SIPA1L1: variants seen among roughly 807,000 people sequenced by gnomAD.
SIPA1L1 encodes signal-induced proliferation-associated 1-like protein 1.
Under a neutral mutation model 162.7 loss-of-function variants are expected in SIPA1L1, and 26 were observed. That is an observed-to-expected ratio of 0.16 (90% CI 0.12 to 0.22). The LOEUF is 0.22. Ranked by LOEUF, SIPA1L1 falls within the 10% of genes least tolerant of loss-of-function variation. SIPA1L1 has a pLI of 1.00. For synonymous variants in SIPA1L1, 829 were observed against 837.4 expected, an observed-to-expected ratio of 0.99 and a Z score of 0.17; for missense variants, 1,874 against 2,241.0, an observed-to-expected ratio of 0.84 and a Z score of 3.31.
At chr14:71,363,576 C>T (rs892770726) in intron 2 of SIPA1L1, among the ~76,000 whole-genome samples, 2 of 152,082 alleles carry the variant, frequency 1.3e-5, no homozygotes, top group Non-Finnish European at 2.9e-5. Flanking sequence ...GTTTTTGAGC[C>T]TCTTTAGGAT....
At chr14:71,627,127 A>G (rs1352072312) in intron 7 of SIPA1L1, among the ~76,000 whole-genome samples, 1 of 94,216 alleles carries the variant, frequency 1.1e-5, no homozygotes, top group Admixed American at 1.2e-4. Flanking sequence ...TGGGACTTTC[A>G]CTACTTTTTT....
intron 2 of SIPA1L1, among the ~76,000 whole-genome samples, chr14:71,455,694 G>T (rs2046137787): frequency 6.6e-6 from 1 of 152,264 alleles, no homozygotes; most frequent in Admixed American, 6.5e-5. Context: ...GTCAGTGGAT[G>T]TTCTCATGTT....
chr14:71,611,099 C>G (rs931414306), intron 5 of SIPA1L1, among the ~76,000 whole-genome samples: 1 of 152,132 alleles, frequency 6.6e-6, no homozygotes, highest in Non-Finnish European at 1.5e-5. Context: ...GAACCTCCAC[C>G]CTTAAAATTA....
Position 71,730,478 on chromosome 14 carries a change from C to CA in SIPA1L1, c.4861+178dup, listed in dbSNP as rs1215646635. Among the ~76,000 whole-genome samples, 5 of 152,300 alleles carry CA rather than the reference C, an allele frequency of 3.3e-5. No homozygotes were observed. The South Asian group carries it at 1.0e-3, about 32-fold the overall frequency. On this transcript the variant is annotated intron_variant, in intron 20 of 23. Coordinates refer to ENST00000381232, the MANE Select transcript of SIPA1L1 (RefSeq NM_001386936.1). Reference sequence around the variant, plus strand: ...TCCTGTAATCCCAGACCACCATAGTCACCTGGGTTGCTTGCTAGAAATAAC... The same window carrying CA: ...TCCTGTAATCCCAGACCACCATAGTCAACCTGGGTTGCTTGCTAGAAATAAC...
chr14:71,392,804 G>A (rs1169422587), intron 2 of SIPA1L1, among the ~76,000 whole-genome samples: 4 of 152,160 alleles, frequency 2.6e-5, no homozygotes, highest in Admixed American at 2.0e-4. Flanking sequence ...AAGTGCAGGC[G>A]TGAGCCACCG....
chr14:71,531,342 A>G (rs1021239439), intron 4 of SIPA1L1, among the ~76,000 whole-genome samples: 3 of 139,832 alleles, frequency 2.1e-5, no homozygotes, highest in African/African-American at 8.0e-5. Context: ...TCACTATGTT[A>G]CTTTGTACTG....
chr14:71,553,764 T>C (rs2056090526), intron 4 of SIPA1L1, among the ~76,000 whole-genome samples: 2 of 151,634 alleles, frequency 1.3e-5, no homozygotes, highest in African/African-American at 4.8e-5. Context: ...TATACAATTC[T>C]TTTTTTTTCA....
chr14:71,335,864 C>T (rs1043678699), intron 2 of SIPA1L1, among the ~76,000 whole-genome samples: 1 of 152,290 alleles, frequency 6.6e-6, no homozygotes. Flanking sequence ...ACCATAGGTA[C>T]CCAGTATATT....
intron 2 of SIPA1L1, among the ~76,000 whole-genome samples, chr14:71,477,999 TG>T (rs1171026336): frequency 1.3e-5 from 2 of 152,094 alleles, no homozygotes; most frequent in Non-Finnish European, 2.9e-5. Flanking sequence ...TTCAGATGCA[TG>T]GCATCCTTGA....
rs893861018 is a variant in SIPA1L1 at position 71,724,679 on chromosome 14, G to A, written c.4458G>A (p.Gln1486=). ...TCCCTTTTTTGTCCAGGCGTCATCA[G>A]AGCGATGGCAATGAAATAGCCCACA... ...VGFMDTRKRH[Q]SDGNEIAHTR... The change falls in exon 19 of 24, where the codon CAG becomes CAA. Residue 1486 remains glutamine, a synonymous_variant. Transcript: ENST00000381232. The A allele has an allele frequency of 6.2e-7, 1 of 1,613,090 alleles. No individual in the cohort carries two copies. The highest frequency in any genetic ancestry group is 1.3e-5 in the African/African-American group (1 of 74,796).
At chr14:71,353,124 T>C (rs1297379771) in intron 2 of SIPA1L1, among the ~76,000 whole-genome samples, 2 of 152,244 alleles carry the variant, frequency 1.3e-5, no homozygotes, top group African/African-American at 4.8e-5. Flanking sequence ...AAATACCACA[T>C]TCATTATTGA....
chr14:71,501,908 T>C (rs2050247117), intron 2 of SIPA1L1, among the ~76,000 whole-genome samples: 1 of 151,632 alleles, frequency 6.6e-6, no homozygotes, highest in South Asian at 2.1e-4. Context: ...TAGCTGAGCA[T>C]GTTGGCATGT....
intron 17 of SIPA1L1, among the ~76,000 whole-genome samples, chr14:71,715,402 A>G (rs571627050): frequency 6.6e-6 from 1 of 152,322 alleles, no homozygotes; most frequent in East Asian, 1.9e-4. Context: ...ATGGCTTACT[A>G]TTGCATCTTT....
chr14:71,484,389 T>C (rs2048588610), intron 2 of SIPA1L1, among the ~76,000 whole-genome samples: 1 of 152,030 alleles, frequency 6.6e-6, no homozygotes, highest in African/African-American at 2.4e-5. Context: ...TAAAACCCTT[T>C]AAGTAATTAG....
chr14:71,324,514 C>G (rs2033560034), intron 2 of SIPA1L1, among the ~76,000 whole-genome samples: 1 of 152,138 alleles, frequency 6.6e-6, no homozygotes, highest in African/African-American at 2.4e-5. Flanking sequence ...AACGAACGAT[C>G]TGTGGTGAGG....
chr14:71,644,462 C>G (rs1318238065), intron 7 of SIPA1L1, among the ~76,000 whole-genome samples: 3 of 151,984 alleles, frequency 2.0e-5, no homozygotes, highest in African/African-American at 7.3e-5. Flanking sequence ...GTCTTGAACT[C>G]CTGGCCTCAA....
chr14:71,585,942 AAC>A (rs2034542474), intron 4 of SIPA1L1, among the ~76,000 whole-genome samples: 2 of 152,210 alleles, frequency 1.3e-5, no homozygotes, highest in African/African-American at 2.4e-5. Flanking sequence ...CCTCGGAAGC[AAC>A]AGTTAGCATG....
chr14:71,381,141 C>T (rs1356196142), intron 2 of SIPA1L1, among the ~76,000 whole-genome samples: 2 of 152,164 alleles, frequency 1.3e-5, no homozygotes, highest in African/African-American at 4.8e-5. Context: ...CAACCTCCGC[C>T]TCCCGGGTTC....
In SIPA1L1 at chr14:71,472,468, A is replaced by C. The variant is rs78748198; in HGVS notation, c.-464-40275A>C. ...GGGAAATAATTAAACTACTCTAAGC[A>C]TTCTCAGATTGCTTCTTGAGAGCTT... is the stretch of plus-strand genomic sequence containing the variant. On this transcript the variant is annotated intron_variant, in intron 2 of 23. Coordinates refer to ENST00000381232, the MANE Select transcript of SIPA1L1 (RefSeq NM_001386936.1). Among the ~76,000 whole-genome samples, 1,022 of 152,122 alleles carry C rather than the reference A, an allele frequency of 6.7e-3. 7 individuals are homozygous for C. Among genetic ancestry groups the C allele is most frequent in the Non-Finnish European group, 0.012 (796 of 68,002 alleles).
Sources: gnomAD v4.1 joint callset for allele counts (sites outside exome capture counted in the v4.1 genomes callset) on GRCh38, gnomAD v4.1.1 for gene constraint, MANE v1.5 for transcripts, NCBI Gene and HGNC (gene_info 2026-07-23, HGNC 2026-07-21) for gene names.